CMTM8: variants seen among roughly 807,000 people sequenced by gnomAD.
The protein encoded by CMTM8 is CKLF like MARVEL transmembrane domain containing 8, also known as CKLF-like MARVEL transmembrane domain-containing protein 8.
CMTM8 carries 12 observed loss-of-function variants against 18.6 expected under a neutral mutation model. That is an observed-to-expected ratio of 0.65 (90% CI 0.41 to 1.05). The LOEUF (loss-of-function observed/expected upper bound fraction) is 1.05, where lower values mean the gene tolerates loss of function less well. Among genes scored for constraint, CMTM8 ranks in the 50% least tolerant of loss-of-function variants. The pLI, the probability that CMTM8 is intolerant of heterozygous loss-of-function variation, is 0.00. For synonymous variants in CMTM8, 87 were observed against 90.6 expected (o/e 0.96, Z 0.23); for missense variants, 217 against 227.2 (o/e 0.95, Z 0.29).
intron 1 of CMTM8, among the ~76,000 whole-genome samples, chr3:32,323,715 A>G (rs1232926780): frequency 6.6e-6 from 1 of 152,210 alleles, no homozygotes; most frequent in Non-Finnish European, 1.5e-5. Flanking sequence ...GAGATGGCCA[A>G]AGATCTTATA....
chr3:32,270,675 A>G lies in CMTM8; in HGVS notation c.147+31556A>G, dbSNP rs145379009. On this transcript the variant is annotated intron_variant, in intron 1 of 3. Coordinates refer to ENST00000307526, the MANE Select transcript of CMTM8 (RefSeq NM_178868.5). Reference sequence around the variant, plus strand: ...CATAGGTGGGAATTGAACAGTGAGAACACTTGGACACAGGAAGGGGAACGT... The same window carrying G: ...CATAGGTGGGAATTGAACAGTGAGAGCACTTGGACACAGGAAGGGGAACGT... 4.1e-3 allele frequency among the ~76,000 whole-genome samples: 619 copies of G among 152,278 alleles called. 6 individuals carry two copies. Among genetic ancestry groups the G allele is most frequent in the African/African-American group, 0.014 (585 of 41,564 alleles).
intron 1 of CMTM8, among the ~76,000 whole-genome samples, chr3:32,335,723 T>G (rs1320408872): frequency 6.6e-6 from 1 of 152,208 alleles, no homozygotes; most frequent in Non-Finnish European, 1.5e-5. Context: ...TTTTCTTCTG[T>G]TTGAAAGAAG....
intron 1 of CMTM8, among the ~76,000 whole-genome samples, chr3:32,311,436 C>T (rs1312212358): frequency 1.3e-5 from 2 of 152,172 alleles, no homozygotes; most frequent in South Asian, 2.1e-4. Context: ...CTTCTGGAGG[C>T]TCTAGGAGAG....
chr3:32,361,296 C>CTTTTTTT (rs1559390127), intron 2 of CMTM8, among the ~76,000 whole-genome samples: 2 of 125,956 alleles, frequency 1.6e-5, no homozygotes, highest in East Asian at 4.3e-4. Context: ...GTTTTTTTTT[C>CTTTTTTT]TTTCAAATTT....
At chr3:32,267,922 C>T (rs1186950813) in intron 1 of CMTM8, among the ~76,000 whole-genome samples, 1 of 152,184 alleles carries the variant, frequency 6.6e-6, no homozygotes, top group African/African-American at 2.4e-5. Flanking sequence ...GTTAGAATGG[C>T]GATCATTAAA....
intron 1 of CMTM8, among the ~76,000 whole-genome samples, chr3:32,300,030 G>A (rs1695584547): frequency 6.6e-6 from 1 of 152,188 alleles, no homozygotes; most frequent in African/African-American, 2.4e-5. Context: ...TAACAAAAAG[G>A]TTAACAGACA....
intron 1 of CMTM8, among the ~76,000 whole-genome samples, chr3:32,344,494 T>C (rs1696557369): frequency 6.6e-6 from 1 of 152,242 alleles, no homozygotes; most frequent in Admixed American, 6.5e-5. Flanking sequence ...AATGACACTT[T>C]TTAACACTGC....
intron 1 of CMTM8, among the ~76,000 whole-genome samples, chr3:32,283,532 C>T (rs953798132): frequency 2.6e-5 from 4 of 152,110 alleles, no homozygotes; most frequent in South Asian, 2.1e-4. Context: ...AACAGGATGG[C>T]GACAGTTTAC....
chr3:32,270,807 C>G (rs552874176), intron 1 of CMTM8, among the ~76,000 whole-genome samples: 1 of 152,076 alleles, frequency 6.6e-6, no homozygotes, highest in Non-Finnish European at 1.5e-5. Flanking sequence ...CAACATGGCA[C>G]ATGTATACAT....
In CMTM8 at chr3:32,239,037, ACTT is replaced by A. The variant is rs1417653689; in HGVS notation, c.68_70del (p.Phe23del). 3.2e-6 allele frequency: 5 copies of A among 1,584,446 alleles called. No homozygotes were observed. The highest frequency in any genetic ancestry group is 2.3e-5 in the South Asian group (2 of 86,430). On this transcript the variant is annotated inframe_deletion, in exon 1 of 4. Transcript: ENST00000307526. ...ACCACCGCCAGCTCCTTCGCAGAGA[ACTT>A]CTCCACCAGCAGCAGCAGCTTCGCC...
chr3:32,356,787 A>T (rs1696822410), intron 1 of CMTM8, among the ~76,000 whole-genome samples: 1 of 152,192 alleles, frequency 6.6e-6, no homozygotes, highest in Non-Finnish European at 1.5e-5. Flanking sequence ...CCAGCCATGG[A>T]TGTTGTTTCT....
intron 1 of CMTM8, among the ~76,000 whole-genome samples, chr3:32,298,776 G>A (rs1207012897): frequency 2.1e-5 from 3 of 143,318 alleles, no homozygotes; most frequent in Middle Eastern, 4.5e-3. Flanking sequence ...GGGACTAGGG[G>A]CATGCGCCAC....
chr3:32,329,515 A>T (rs929388225), intron 1 of CMTM8, among the ~76,000 whole-genome samples: 6 of 152,244 alleles, frequency 3.9e-5, no homozygotes, highest in African/African-American at 1.4e-4. Flanking sequence ...ACGAAAGATA[A>T]AACCACATGA....
At chr3:32,340,992 C>G (rs1696480955) in intron 1 of CMTM8, among the ~76,000 whole-genome samples, 1 of 152,202 alleles carries the variant, frequency 6.6e-6, no homozygotes, top group African/African-American at 2.4e-5. Context: ...TGCAAGATTT[C>G]TTGGAATTCA....
chr3:32,291,825 G>T (rs370272391), intron 1 of CMTM8, among the ~76,000 whole-genome samples: 1 of 152,154 alleles, frequency 6.6e-6, no homozygotes, highest in Admixed American at 6.5e-5. Context: ...CCCAAGCCCT[G>T]CCTCCTTAAA....
At chr3:32,349,832 A>AC (rs1696670427) in intron 1 of CMTM8, among the ~76,000 whole-genome samples, 1 of 152,024 alleles carries the variant, frequency 6.6e-6, no homozygotes, top group Non-Finnish European at 1.5e-5. Flanking sequence ...ACATGGTGAA[A>AC]CCCCATCTCT....
intron 1 of CMTM8, among the ~76,000 whole-genome samples, chr3:32,317,809 A>G (rs1695957905): frequency 6.6e-6 from 1 of 152,166 alleles, no homozygotes; most frequent in Non-Finnish European, 1.5e-5. Flanking sequence ...TAATCCCAAC[A>G]CTTTGGAAAG....
intron 1 of CMTM8, among the ~76,000 whole-genome samples, chr3:32,307,537 A>G (rs988380818): frequency 1.4e-4 from 21 of 152,270 alleles, no homozygotes; most frequent in Middle Eastern, 3.4e-3. Context: ...AGCATTCAGT[A>G]TAGGAGACTG....
rs149335135 is a variant in CMTM8, at chr3:32,289,729, T to C, written c.147+50610T>C. On this transcript the variant is annotated intron_variant, in intron 1 of 3. Coordinates refer to ENST00000307526, the MANE Select transcript of CMTM8 (RefSeq NM_178868.5). The stretch of plus-strand genomic sequence containing the variant: ...ACTTAGTGATGAAACATTAGAAGCT[T>C]TCTTTTATAAAATCAGGAACATAAG... 1.4e-4 allele frequency among the ~76,000 whole-genome samples: 22 copies of C among 152,310 alleles called. No individual in the cohort carries two copies. In the East Asian group the frequency reaches 3.1e-3, roughly 21 times the overall value.
Sources: allele counts gnomAD v4.1 joint callset (sites outside exome capture counted in the v4.1 genomes callset), GRCh38; gene constraint gnomAD v4.1.1; transcripts MANE v1.5; gene names NCBI Gene and HGNC (gene_info 2026-07-23, HGNC 2026-07-21).